The following LTBP2 variants were observed in gnomAD, a reference collection of about 807,000 sequenced individuals.
The protein encoded by LTBP2 is latent transforming growth factor beta binding protein 2, also known as latent-transforming growth factor beta-binding protein 2.
A neutral mutation model predicts 210.6 loss-of-function variants in LTBP2; 103 were observed. The ratio of observed to expected loss-of-function variants is 0.49; its 90% CI spans 0.42 to 0.58. LTBP2 has a LOEUF of 0.58. Ranked by LOEUF, LTBP2 falls within the 20% of genes least tolerant of loss-of-function variation. The pLI is 0.00. For missense variants in LTBP2, 2,313 were observed against 2,494.5 expected (o/e 0.93, Z 1.55); for synonymous variants, 1,007 against 1,015.0 (o/e 0.99, Z 0.15).
intron 3 of LTBP2, among the ~76,000 whole-genome samples, chr14:74,572,132 C>G (rs1466823730): frequency 6.6e-6 from 1 of 152,182 alleles, no homozygotes; most frequent in African/African-American, 2.4e-5. Context: ...TAGACACAGA[C>G]AGACGAATAC....
intron 3 of LTBP2, among the ~76,000 whole-genome samples, chr14:74,573,050 A>G (rs915133985): frequency 6.6e-6 from 1 of 152,172 alleles, no homozygotes; most frequent in Non-Finnish European, 1.5e-5. Flanking sequence ...ATGAGGCCGA[A>G]TGCTGCTCCA....
In LTBP2 at chr14:74,585,707, C is replaced by G; in HGVS notation, c.830+147G>C. 5 of 1,313,358 alleles carry G rather than the reference C, an allele frequency of 3.8e-6. No homozygotes were observed. The South Asian group carries it at 5.6e-5, about 15-fold the overall frequency. 81.4% of individuals were successfully genotyped at this position (1,313,358 alleles called of 1,614,324 possible). ...TCTCCTGCTCATATCTCTGGCCATG[C>G]CAGGGAAAGCCAAGGAGGGTGGGGA... On this transcript the variant is annotated intron_variant, in intron 3 of 35. Coordinates refer to ENST00000261978, the MANE Select transcript of LTBP2 (RefSeq NM_000428.3).
intron 24 of LTBP2, among the ~76,000 whole-genome samples, 173 bp downstream of exon 24, chr14:74,508,431 G>T (rs866421960): frequency 6.6e-6 from 1 of 152,054 alleles, no homozygotes; most frequent in Non-Finnish European, 1.5e-5. Context: ...ATCACTCCTC[G>T]CTCCCATCTT....
At chr14:74,564,183 A>G (rs866894006) in intron 3 of LTBP2, among the ~76,000 whole-genome samples, 2 of 39,398 alleles carry the variant, frequency 5.1e-5, no homozygotes, top group Non-Finnish European at 9.9e-5. Flanking sequence ...ATTTATATAT[A>G]TATTTATATA....
chr14:74,515,509 G>A (rs862047), intron 18 of LTBP2, among the ~76,000 whole-genome samples: 2,489 of 152,122 alleles, frequency 0.016, 125 homozygotes, highest in East Asian at 0.16. Flanking sequence ...CACCTGCCTC[G>A]GCCTCCCAAA....
chr14:74,517,755 C>T (rs963350444), intron 17 of LTBP2, among the ~76,000 whole-genome samples: 12 of 152,212 alleles, frequency 7.9e-5, no homozygotes, highest in African/African-American at 2.9e-4. Flanking sequence ...AACCATGGAT[C>T]TGTAGGGTGT....
At chr14:74,516,675 A>T in intron 18 of LTBP2, 147 bp downstream of exon 18, 1 of 1,091,504 alleles carries the variant, frequency 9.2e-7, no homozygotes, top group Non-Finnish European at 1.4e-6. Context: ...AGGAATTCTC[A>T]TAGGTGTCTC....
At chr14:74,581,872 G>A (rs1482529590) in intron 3 of LTBP2, among the ~76,000 whole-genome samples, 1 of 152,042 alleles carries the variant, frequency 6.6e-6, no homozygotes, top group African/African-American at 2.4e-5. Flanking sequence ...CAGAGGAGAG[G>A]GAGCGACCAG....
In LTBP2 at chr14:74,553,015, G is replaced by A. The variant is rs758991365; in HGVS notation, c.1069C>T (p.Pro357Ser). 6.2e-7 allele frequency: 1 copy of A among 1,614,232 alleles called. No individual in the cohort carries two copies. Among genetic ancestry groups the A allele is most frequent in the Non-Finnish European group, 8.5e-7 (1 of 1,180,042 alleles). Reference protein sequence around the residue: ...KIKKIKIVFTPTICKQTCARG... With the variant: ...KIKKIKIVFTSTICKQTCARG... ...GCACAGGTCTGCTTGCAGATGGTGGGAGTGAAGACGATCTTGATCTTCTTG... is the reference window on the plus strand; with the variant it reads ...GCACAGGTCTGCTTGCAGATGGTGGAAGTGAAGACGATCTTGATCTTCTTG... Residue 357 changes from proline to serine, a missense_variant, in exon 5 of 36, where the codon CCC (proline) becomes TCC (serine). Coordinates refer to ENST00000261978, the MANE Select transcript of LTBP2 (RefSeq NM_000428.3).
rs759870336 is a variant in LTBP2 at position 74,501,579 on chromosome 14, C to T, written c.5182G>A (p.Gly1728Ser). 60 of 1,613,878 alleles carry T rather than the reference C, an allele frequency of 3.7e-5. No homozygotes were observed. Among genetic ancestry groups the T allele is most frequent in the Non-Finnish European group, 4.7e-5 (55 of 1,180,030 alleles). The part of the protein sequence containing the change: ...YVASHPEPPA[G>S]FEGLQAEECG... The stretch of plus-strand genomic sequence containing the variant: ...TCCTCCGCCTGAAGCCCTTCGAAGC[C>T]GGCTGGGGGCTCTGGGAGGAGGAAA... The change falls in exon 35 of 36, where the codon GGC becomes AGC. Residue 1728 changes from glycine to serine, a missense_variant. By Grantham distance (56) the Gly-to-Ser change is moderately conservative (BLOSUM62 0). Around this residue, in one of 3 missense-constraint regions of LTBP2, gnomAD observed 443 missense variants for 501.4 expected, o/e 0.88. Transcript: ENST00000261978.
chr14:74,535,857 C>A (rs548278292), intron 9 of LTBP2, 69 bp downstream of exon 9: 6 of 1,385,962 alleles, frequency 4.3e-6, no homozygotes, highest in African/African-American at 1.4e-5. Flanking sequence ...GTGACAGACA[C>A]CCCTCCTGTC....
At chr14:74,560,735 G>A (rs1177429106) in intron 3 of LTBP2, among the ~76,000 whole-genome samples, 1 of 151,962 alleles carries the variant, frequency 6.6e-6, no homozygotes, top group Non-Finnish European at 1.5e-5. Flanking sequence ...TATTTGGGGG[G>A]AAAACCCCCA....
At chr14:74,555,826 C>G in intron 3 of LTBP2, 133 bp from the exon 4 acceptor site, 4 of 583,650 alleles carry the variant, frequency 6.9e-6, no homozygotes, top group Non-Finnish European at 8.1e-6. Flanking sequence ...CCATGTATGG[C>G]TGACTCCCAG....
At chr14:74,593,819 G>T (rs1401920637) in intron 2 of LTBP2, among the ~76,000 whole-genome samples, 1 of 152,000 alleles carries the variant, frequency 6.6e-6, no homozygotes, top group African/African-American at 2.4e-5. Context: ...AGGCCAGATG[G>T]CCTCTGAGCT....
Position 74,564,369 on chromosome 14 carries a change from A to ATATATT in LTBP2, c.831-8677_831-8676insAATATA, listed in dbSNP as rs1232039003. On this transcript the variant is annotated intron_variant, in intron 3 of 35. Transcript: ENST00000261978. Reference sequence around the variant, plus strand: ...TTTATATATATTTATATATATATTTATATATATATATTTATATTTTATATA... The same window carrying ATATATT: ...TTTATATATATTTATATATATATTTATATATTTATATATATATTTATATTTTATATA... Among the ~76,000 whole-genome samples the ATATATT allele has an allele frequency of 2.1e-4, 7 of 33,452 alleles. 1 individual carries two copies. The highest frequency in any genetic ancestry group is 5.5e-4 in the South Asian group (1 of 1,826). 21.9% of individuals were successfully genotyped at this position (33,452 alleles called of 152,430 possible). A position where few individuals can be genotyped will look rare whatever the true frequency, so the allele number is the denominator to read the frequency against.
intron 19 of LTBP2, among the ~76,000 whole-genome samples, chr14:74,510,599 C>T (rs1023212849): frequency 6.6e-6 from 1 of 152,248 alleles, no homozygotes; most frequent in Non-Finnish European, 1.5e-5. Context: ...ACCCACGATC[C>T]CAACCCAACA....
At chr14:74,531,313 C>T (rs930100212) in intron 10 of LTBP2, among the ~76,000 whole-genome samples, 5 of 152,214 alleles carry the variant, frequency 3.3e-5, no homozygotes, top group Admixed American at 6.5e-5. Flanking sequence ...GCCATCTCTG[C>T]TTCCCTGTAT....
Position 74,540,846 on chromosome 14 carries a change from T to TA in LTBP2, c.1790-4847dup, listed in dbSNP as rs1566630020. 9.5e-3 allele frequency among the ~76,000 whole-genome samples: 303 copies of TA among 31,918 alleles called. 9 individuals carry two copies. Among genetic ancestry groups the TA allele is most frequent in the African/African-American group, 0.017 (271 of 15,624 alleles). The allele number at this position is 31,918 out of a possible 152,430, so 20.9% of individuals were successfully genotyped here. ...TTTTTATATAATATATATTTATATA[T>TA]ATTATATATATTATATATATTTATA... On this transcript the variant is annotated intron_variant, in intron 8 of 35. Transcript: ENST00000261978.
chr14:74,604,987 C>A (rs1184579728), intron 1 of LTBP2, among the ~76,000 whole-genome samples: 1 of 152,244 alleles, frequency 6.6e-6, no homozygotes, highest in Non-Finnish European at 1.5e-5. Context: ...CCTAGAAGGG[C>A]TTCTCCTGGA....
Sources: allele counts gnomAD v4.1 joint callset (sites outside exome capture counted in the v4.1 genomes callset), GRCh38; gene constraint gnomAD v4.1.1; regional missense constraint gnomAD v4.1.1; transcripts MANE v1.5; gene names NCBI Gene and HGNC (gene_info 2026-07-23, HGNC 2026-07-21).